The following TIAM1 variants were observed in gnomAD, a reference collection of about 807,000 sequenced individuals.
The protein encoded by TIAM1 is rho guanine nucleotide exchange factor TIAM1.
A neutral mutation model predicts 163.5 loss-of-function variants in TIAM1; 65 were observed. That is an observed-to-expected ratio of 0.40 (90% CI 0.33 to 0.49). TIAM1 has a LOEUF of 0.49. Ranked by LOEUF, TIAM1 falls within the 20% of genes least tolerant of loss-of-function variation. The pLI is 0.77. For synonymous variants in TIAM1, 833 were observed against 810.1 expected, an observed-to-expected ratio of 1.03 and a Z score of -0.48; for missense variants, 1,789 against 2,044.7, an observed-to-expected ratio of 0.87 and a Z score of 2.41.
Position 31,130,872 on chromosome 21 carries a change from T to TA in TIAM1, c.3942+17dup. 1 of 1,611,278 alleles carries TA rather than the reference T, an allele frequency of 6.2e-7. No homozygotes were observed. The highest frequency in any genetic ancestry group is 1.1e-5 in the South Asian group (1 of 91,016). On this transcript the variant is annotated intron_variant, in intron 24 of 27. Coordinates refer to ENST00000541036, the MANE Select transcript of TIAM1 (RefSeq NM_001353694.2). Reference sequence around the variant, plus strand: ...AGAGAAATAGTTTCAAACCATGGGGTAACATAAGATGTCTTACAAGTTTCT... The same window carrying TA: ...AGAGAAATAGTTTCAAACCATGGGGTAAACATAAGATGTCTTACAAGTTTCT...
At position 31,458,157 on chromosome 21, in the gene TIAM1, C is replaced by T. The variant is rs184458086; in HGVS notation, c.-369+5826G>A. ...ACAATCGGCCGGGTGCGGGGGCTCACGCCTGTAATCCCAACACTTTGGGAG... is the reference window on the plus strand; with the variant it reads ...ACAATCGGCCGGGTGCGGGGGCTCATGCCTGTAATCCCAACACTTTGGGAG... On this transcript the variant is annotated intron_variant, in intron 2 of 28. Coordinates refer to the TIAM1 transcript ENST00000286827. Among the ~76,000 whole-genome samples the T allele has an allele frequency of 2.0e-4, 30 of 152,310 alleles. 1 individual carries two copies. Among genetic ancestry groups the T allele is most frequent in the African/African-American group, 6.5e-4 (27 of 41,554 alleles).
chr21:31,486,046 T>C (rs1377146916), intron 1 of TIAM1, among the ~76,000 whole-genome samples: 1 of 152,190 alleles, frequency 6.6e-6, no homozygotes, highest in East Asian at 1.9e-4. Flanking sequence ...CAGAACAAGC[T>C]GCACACCACT....
chr21:31,529,753 T>C (rs1467578920), intron 1 of TIAM1, among the ~76,000 whole-genome samples: 1 of 148,024 alleles, frequency 6.8e-6, no homozygotes, highest in Admixed American at 6.9e-5. Flanking sequence ...TTAAAGTCCA[T>C]GAACTCCAAC....
chr21:31,141,743 G>C lies in TIAM1; in HGVS notation c.3476-239C>G, dbSNP rs2082854573. On this transcript the variant is annotated intron_variant, in intron 20 of 27. Transcript: ENST00000541036. This position sits in a 1 kb window ranked among gnomAD's most constrained non-coding sequence, Gnocchi z 4.7. ...AAGCCTGATGAGTTAAAGGATGACG[G>C]AGTGTAGACTGCAGACACCCGGATT... Among the ~76,000 whole-genome samples, 3 of 152,116 alleles carry C rather than the reference G, an allele frequency of 2.0e-5. No homozygotes were observed. Among genetic ancestry groups the C allele is most frequent in the Admixed American group, 1.3e-4 (2 of 15,278 alleles).
At chr21:31,384,869 TTAG>T (rs1408278329) in intron 2 of TIAM1, among the ~76,000 whole-genome samples, 1 of 152,158 alleles carries the variant, frequency 6.6e-6, no homozygotes, top group Non-Finnish European at 1.5e-5. Context: ...AAAAAATGTA[TTAG>T]TAGCACATTA....
intron 1 of TIAM1, among the ~76,000 whole-genome samples, chr21:31,520,372 T>C (rs149266382): frequency 0.016 from 2,455 of 152,004 alleles, 38 homozygotes; most frequent in South Asian, 0.042. Flanking sequence ...ACAAACGATG[T>C]TATACATATT....
intron 2 of TIAM1, among the ~76,000 whole-genome samples, chr21:31,447,136 C>G (rs550693529): frequency 4.6e-5 from 7 of 152,282 alleles, no homozygotes; most frequent in South Asian, 4.2e-4. Flanking sequence ...CACCTGTAAT[C>G]CCAGCACTCT....
intron 4 of TIAM1, among the ~76,000 whole-genome samples, chr21:31,262,163 G>A (rs1181623818): frequency 6.6e-6 from 1 of 152,198 alleles, no homozygotes; most frequent in Non-Finnish European, 1.5e-5. Flanking sequence ...TTAAGCATTT[G>A]TATGTGTAAA....
intron 2 of TIAM1, among the ~76,000 whole-genome samples, chr21:31,383,561 A>G (rs1237345173): frequency 2.0e-5 from 3 of 152,194 alleles, no homozygotes; most frequent in Admixed American, 2.0e-4. Context: ...CCAAACTGAT[A>G]CTGGCTTGTC....
chr21:31,358,566 A>G (rs1422335745), intron 2 of TIAM1, among the ~76,000 whole-genome samples: 2 of 151,922 alleles, frequency 1.3e-5, no homozygotes, highest in African/African-American at 2.4e-5. Flanking sequence ...CCTCCCAACT[A>G]TTCAGACCAA....
chr21:31,152,885 G>C lies in TIAM1; in HGVS notation c.3241-124C>G. The C allele has an allele frequency of 3.6e-6, 5 of 1,407,890 alleles. No homozygotes were observed. The South Asian group carries it at 4.3e-5, about 12-fold the overall frequency. The allele number at this position is 1,407,890 out of a possible 1,614,324, so 87.2% of individuals were successfully genotyped here. On this transcript the variant is annotated intron_variant, in intron 18 of 27. Coordinates refer to ENST00000541036, the MANE Select transcript of TIAM1 (RefSeq NM_001353694.2). ...TTAAGAGAATAATCCCACTACCAGA[G>C]AGCGGGGCAGTTTTTTACTCTTCAT...
rs557802877 is a variant in TIAM1, at chr21:31,154,567, C to T, written c.2992-141G>A. The T allele has an allele frequency of 3.5e-5, 29 of 836,512 alleles. No individual in the cohort carries two copies. The African/African-American group carries it at 4.2e-4, about 12-fold the overall frequency. 51.8% of individuals were successfully genotyped at this position (836,512 alleles called of 1,614,324 possible). ...TCGTCTTGTGTTTCCACAAATTGCT[C>T]CACATTTAGGAGAGCTTCTTGAATG... On this transcript the variant is annotated intron_variant, in intron 16 of 27. Coordinates refer to ENST00000541036, the MANE Select transcript of TIAM1 (RefSeq NM_001353694.2).
intron 1 of TIAM1, among the ~76,000 whole-genome samples, chr21:31,497,606 A>T (rs1294804949): frequency 6.6e-6 from 1 of 152,220 alleles, no homozygotes; most frequent in South Asian, 2.1e-4. Context: ...ACTTTTATAT[A>T]TTTTGAATTT....
chr21:31,425,603 T>A (rs2043756319), intron 2 of TIAM1, among the ~76,000 whole-genome samples: 1 of 150,792 alleles, frequency 6.6e-6, no homozygotes, highest in South Asian at 2.1e-4. Context: ...TTTTTTTACA[T>A]TTTTATTTCA....
At chr21:31,437,502 CAA>C (rs778245444) in intron 2 of TIAM1, among the ~76,000 whole-genome samples, 30 of 106,370 alleles carry the variant, frequency 2.8e-4, no homozygotes, top group Non-Finnish European at 2.6e-4. Flanking sequence ...GACCCTGTCT[CAA>C]AAAAAAAAAA....
At chr21:31,486,701 T>C (rs1314784895) in intron 1 of TIAM1, among the ~76,000 whole-genome samples, 3 of 152,214 alleles carry the variant, frequency 2.0e-5, no homozygotes, top group East Asian at 1.9e-4. Context: ...TGGGCCATCC[T>C]TCCTGATGGG....
chr21:31,464,508 G>C (rs1479108090), intron 1 of TIAM1, among the ~76,000 whole-genome samples: 2 of 152,248 alleles, frequency 1.3e-5, no homozygotes, highest in Admixed American at 6.5e-5. Flanking sequence ...AGGAGTTCAA[G>C]ACCAGTCTCG....
intron 2 of TIAM1, among the ~76,000 whole-genome samples, chr21:31,448,827 A>T (rs1381442667): frequency 6.6e-6 from 1 of 152,164 alleles, no homozygotes; most frequent in African/African-American, 2.4e-5. Flanking sequence ...GTTTCGGGTC[A>T]GAAAGTCCAG....
chr21:31,313,852 C>T (rs1424960453), intron 2 of TIAM1, among the ~76,000 whole-genome samples: 3 of 152,236 alleles, frequency 2.0e-5, no homozygotes, highest in Non-Finnish European at 2.9e-5. Context: ...GCTGGGATTA[C>T]AGGCATGAGC....
Sources: gnomAD v4.1 joint callset for allele counts (sites outside exome capture counted in the v4.1 genomes callset) on GRCh38, gnomAD v4.1.1 for gene constraint, Gnocchi (gnomAD v3.1) non-coding constraint, MANE v1.5 for transcripts, NCBI Gene and HGNC (gene_info 2026-07-23, HGNC 2026-07-21) for gene names.